The following NALF1 variants were observed in gnomAD, a reference collection of about 807,000 sequenced individuals.
NALF1 encodes the protein family with sequence similarity 155 member A.
Under a neutral mutation model 48.4 loss-of-function variants are expected in NALF1, and 3 were observed. The ratio of observed to expected loss-of-function variants is 0.06; its 90% CI spans 0.03 to 0.16. The LOEUF (loss-of-function observed/expected upper bound fraction) is 0.16, where lower values mean the gene tolerates loss of function less well. NALF1 is among the 10% of genes least tolerant of loss of function. NALF1 has a pLI of 1.00. For missense variants in NALF1, 526 were observed against 571.5 expected, an observed-to-expected ratio of 0.92 and a Z score of 0.81; for synonymous variants, 262 against 245.7, an observed-to-expected ratio of 1.07 and a Z score of -0.62.
chr13:107,807,960 T>C (rs962876211), intron 1 of NALF1, among the ~76,000 whole-genome samples: 20 of 152,236 alleles, frequency 1.3e-4, no homozygotes, highest in African/African-American at 4.3e-4. Flanking sequence ...AAGAAAATTA[T>C]ATTTATTTGG....
chr13:107,491,380 C>A (rs1924444), intron 1 of NALF1, among the ~76,000 whole-genome samples: 4 of 151,926 alleles, frequency 2.6e-5, no homozygotes, highest in African/African-American at 9.7e-5. Context: ...TCTGTGGAGA[C>A]GACACAGTTT....
intron 1 of NALF1, among the ~76,000 whole-genome samples, chr13:107,572,256 G>A (rs1878008406): frequency 6.6e-6 from 1 of 152,004 alleles, no homozygotes; most frequent in African/African-American, 2.4e-5. Flanking sequence ...CTCTTGTTCT[G>A]GTCTATTTTT....
intron 1 of NALF1, among the ~76,000 whole-genome samples, chr13:107,263,703 C>T (rs1880983092): frequency 6.6e-6 from 1 of 152,140 alleles, no homozygotes; most frequent in Admixed American, 6.6e-5. Context: ...GCCTCCCCAG[C>T]CATGTGGAAC....
At chr13:107,630,004 A>G (rs1879788869) in intron 1 of NALF1, among the ~76,000 whole-genome samples, 1 of 152,002 alleles carries the variant, frequency 6.6e-6, no homozygotes, top group Non-Finnish European at 1.5e-5. Flanking sequence ...TATTTGTCTA[A>G]TCTATCATCT....
chr13:107,220,292 T>C (rs1361896384), intron 1 of NALF1, among the ~76,000 whole-genome samples: 1 of 152,216 alleles, frequency 6.6e-6, no homozygotes, highest in African/African-American at 2.4e-5. Flanking sequence ...AAGGTATGAA[T>C]GCAAACCCCT....
chr13:107,555,060 G>A (rs1002961708), intron 1 of NALF1, among the ~76,000 whole-genome samples: 31 of 152,038 alleles, frequency 2.0e-4, no homozygotes, highest in African/African-American at 7.0e-4. Context: ...ACTTTAATTG[G>A]AGTGATCATT....
At chr13:107,345,969 C>T (rs1882764611) in intron 1 of NALF1, among the ~76,000 whole-genome samples, 1 of 152,052 alleles carries the variant, frequency 6.6e-6, no homozygotes, top group Admixed American at 6.6e-5. Flanking sequence ...GACATTTCTC[C>T]AGAGAATACA....
intron 1 of NALF1, among the ~76,000 whole-genome samples, chr13:107,547,648 C>T (rs920915918): frequency 2.6e-5 from 4 of 152,144 alleles, no homozygotes; most frequent in Non-Finnish European, 5.9e-5. Flanking sequence ...CAGTTTAGAA[C>T]ACAGGCCTAT....
chr13:107,754,354 A>AAC (rs6145234), intron 1 of NALF1, among the ~76,000 whole-genome samples: 22,841 of 142,094 alleles, frequency 0.16, 1,874 homozygotes, highest in Middle Eastern at 0.21. Context: ...GTACATTGTG[A>AAC]ACACACACAC....
chr13:107,600,497 T>C (rs948619290), intron 1 of NALF1, among the ~76,000 whole-genome samples: 2 of 152,044 alleles, frequency 1.3e-5, no homozygotes, highest in Admixed American at 6.6e-5. Context: ...TTTAATAAGG[T>C]TTTAATTCAA....
intron 1 of NALF1, among the ~76,000 whole-genome samples, chr13:107,559,583 C>T (rs1188036018): frequency 1.3e-5 from 2 of 152,158 alleles, no homozygotes; most frequent in Non-Finnish European, 2.9e-5. Flanking sequence ...TGTCCCTGTG[C>T]ATCCTTAGGT....
chr13:107,744,754 T>A, intron 1 of NALF1, among the ~76,000 whole-genome samples: 1 of 152,368 alleles, frequency 6.6e-6, no homozygotes, highest in Admixed American at 6.5e-5. Context: ...ACATAAAAAA[T>A]TCTTACTTTA....
chr13:107,800,103 T>C (rs924818753), intron 1 of NALF1, among the ~76,000 whole-genome samples: 1 of 152,104 alleles, frequency 6.6e-6, no homozygotes, highest in Admixed American at 6.6e-5. Context: ...GAGCATGTAG[T>C]TGATAATTGT....
At position 107,494,329 on chromosome 13, in the gene NALF1, C is replaced by T. The variant is rs1016343862; in HGVS notation, c.916-283574G>A. Among the ~76,000 whole-genome samples the T allele has an allele frequency of 2.6e-5, 4 of 152,126 alleles. No individual in the cohort carries two copies. In the East Asian group the frequency reaches 7.7e-4, roughly 29 times the overall value. On this transcript the variant is annotated intron_variant, in intron 1 of 2. Coordinates refer to ENST00000375915, the MANE Select transcript of NALF1 (RefSeq NM_001080396.3). ...GTTGTGTAATTATTCACATTAATAG[C>T]TCCAAATAGAGATGGCTTGGATGGA...
intron 1 of NALF1, among the ~76,000 whole-genome samples, chr13:107,279,050 T>TC: frequency 6.7e-6 from 1 of 149,410 alleles, no homozygotes; most frequent in African/African-American, 2.4e-5. Context: ...CTTCTTTTTT[T>TC]TTTTTTTTTT....
chr13:107,280,303 G>A (rs987259275), intron 1 of NALF1, among the ~76,000 whole-genome samples: 1 of 152,128 alleles, frequency 6.6e-6, no homozygotes, highest in African/African-American at 2.4e-5. Context: ...TTCAAGGCTT[G>A]TAGTTTTCTC....
chr13:107,486,880 A>G (rs1279510850), intron 1 of NALF1, among the ~76,000 whole-genome samples: 1 of 152,182 alleles, frequency 6.6e-6, no homozygotes, highest in East Asian at 1.9e-4. Context: ...GTATTTCAGA[A>G]TATTTTCTTA....
chr13:107,316,094 G>A (rs562474830), intron 1 of NALF1, among the ~76,000 whole-genome samples: 33 of 151,630 alleles, frequency 2.2e-4, no homozygotes, highest in Non-Finnish European at 3.8e-4. Flanking sequence ...TTCCCCTCCT[G>A]TGTCCATGTG....
intron 1 of NALF1, among the ~76,000 whole-genome samples, chr13:107,526,303 T>C (rs1006504939): frequency 6.6e-6 from 1 of 152,156 alleles, no homozygotes; most frequent in Admixed American, 6.6e-5. Context: ...TGAACTCACC[T>C]CTTCTGTGAG....
Sources: gnomAD v4.1 joint callset for allele counts (sites outside exome capture counted in the v4.1 genomes callset) on GRCh38, gnomAD v4.1.1 for gene constraint, MANE v1.5 for transcripts, NCBI Gene and HGNC (gene_info 2026-07-23, HGNC 2026-07-21) for gene names.